Variants in RBFOX1 observed in about 807,000 individuals in gnomAD.
The protein encoded by RBFOX1 is RNA binding protein fox-1 homolog 1.
RBFOX1 carries 8 observed loss-of-function variants against 57.7 expected under a neutral mutation model. The ratio of observed to expected loss-of-function variants is 0.14; its 90% confidence interval spans 0.08 to 0.25. The LOEUF (loss-of-function observed/expected upper bound fraction) is 0.25, where lower values mean the gene tolerates loss of function less well. Among genes scored for constraint, RBFOX1 ranks in the 10% least tolerant of loss-of-function variants. The probability of loss-of-function intolerance (pLI) is 1.00; values close to 1 mark genes in which losing one functional copy is unlikely to be tolerated. For synonymous variants in RBFOX1, 326 were observed against 222.4 expected, an observed-to-expected ratio of 1.47 and a Z score of -4.15; for missense variants, 611 against 548.5, an observed-to-expected ratio of 1.11 and a Z score of -1.14.
At chr16:5,499,907 C>G (rs957923314) in intron 2 of RBFOX1, among the ~76,000 whole-genome samples, 1 of 152,190 alleles carries the variant, frequency 6.6e-6, no homozygotes, top group African/African-American at 2.4e-5. Context: ...AATCCACACT[C>G]CTGATGGCCA....
chr16:6,522,206 T>A (rs542742134), intron 2 of RBFOX1, among the ~76,000 whole-genome samples: 41 of 148,392 alleles, frequency 2.8e-4, no homozygotes, highest in South Asian at 2.1e-3. Context: ...TCTTAAAAAT[T>A]AGGATGAACA....
chr16:7,712,004 C>T lies in RBFOX1; in HGVS notation c.*1259C>T, dbSNP rs927426195. On this transcript the variant is annotated 3_prime_UTR_variant, in exon 16 of 16. Transcript: ENST00000550418. The stretch of plus-strand genomic sequence containing the variant: ...TCTCTTTAGTTCTGTCTCCAAGGCC[C>T]AGGACACTTGTCAGAAGGATGCAAA... The T allele has an allele frequency of 6.6e-6, 1 of 152,442 alleles. No homozygotes were observed. Among genetic ancestry groups the T allele is most frequent in the African/African-American group, 2.4e-5 (1 of 41,370 alleles). 9.4% of individuals were successfully genotyped at this position (152,442 alleles called of 1,614,324 possible). A position where few individuals can be genotyped will look rare whatever the true frequency, so the allele number is the denominator to read the frequency against.
intron 2 of RBFOX1, among the ~76,000 whole-genome samples, chr16:6,585,741 G>A (rs921630510): frequency 1.3e-5 from 2 of 151,972 alleles, no homozygotes; most frequent in Non-Finnish European, 2.9e-5. Context: ...GCAAAAACAG[G>A]TGTACCTTTG....
intron 3 of RBFOX1, among the ~76,000 whole-genome samples, chr16:6,757,548 A>G (rs11077082): frequency 0.57 from 86,482 of 151,992 alleles, 25,251 homozygotes; most frequent in South Asian, 0.75. Flanking sequence ...AGCTGAGCAC[A>G]GAAAGACAAA....
intron 4 of RBFOX1, among the ~76,000 whole-genome samples, chr16:7,181,956 G>A (rs910358361): frequency 6.6e-6 from 1 of 152,158 alleles, no homozygotes; most frequent in Non-Finnish European, 1.5e-5. Context: ...GGAAGGAAAA[G>A]GGTTAATTTC....
At chr16:7,184,520 C>G (rs943506733) in intron 4 of RBFOX1, among the ~76,000 whole-genome samples, 9 of 152,322 alleles carry the variant, frequency 5.9e-5, no homozygotes, top group African/African-American at 1.7e-4. Flanking sequence ...GTCTCATGGT[C>G]AAAAGTTAGC....
intron 3 of RBFOX1, among the ~76,000 whole-genome samples, chr16:5,864,034 C>T (rs117722503): frequency 0.02 from 2,992 of 152,224 alleles, 51 homozygotes; most frequent in Non-Finnish European, 0.03. Context: ...CATTATTTTT[C>T]GTGATCCTCC....
intron 4 of RBFOX1, among the ~76,000 whole-genome samples, chr16:5,981,738 G>C (rs2060177833): frequency 6.6e-6 from 1 of 152,230 alleles, no homozygotes; most frequent in African/African-American, 2.4e-5. Context: ...CAAATTACTG[G>C]GATTGTAGGT....
chr16:7,022,877 A>T (rs1284463347), intron 3 of RBFOX1, among the ~76,000 whole-genome samples: 3 of 152,208 alleles, frequency 2.0e-5, no homozygotes, highest in African/African-American at 7.2e-5. Context: ...ATGTTCACAC[A>T]GCTAGAATGC....
At position 7,156,170 on chromosome 16, in the gene RBFOX1, G is replaced by A. The variant is rs117691049; in HGVS notation, c.27+104072G>A. Among the ~76,000 whole-genome samples, 314 of 151,618 alleles carry A rather than the reference G, an allele frequency of 2.1e-3. 2 individuals are homozygous for A. Among genetic ancestry groups the A allele is most frequent in the Admixed American group, 9.0e-3 (137 of 15,226 alleles). ...ACAAGTGTGACCACTGTGCCTGGCCGATCCCTCAACTCTTGATTCCTTTCT... is the reference window on the plus strand; with the variant it reads ...ACAAGTGTGACCACTGTGCCTGGCCAATCCCTCAACTCTTGATTCCTTTCT... On this transcript the variant is annotated intron_variant, in intron 4 of 15. Transcript: ENST00000550418.
At chr16:6,437,580 C>G (rs1202763345) in intron 2 of RBFOX1, among the ~76,000 whole-genome samples, 1 of 152,126 alleles carries the variant, frequency 6.6e-6, no homozygotes, top group Non-Finnish European at 1.5e-5. Context: ...TAGTCCATTG[C>G]TACACTGCTA....
At chr16:7,071,073 C>G (rs1188639931) in intron 4 of RBFOX1, among the ~76,000 whole-genome samples, 3 of 152,172 alleles carry the variant, frequency 2.0e-5, no homozygotes, top group Non-Finnish European at 4.4e-5. Context: ...TATCTTTACT[C>G]AAAGCCTGAG....
intron 3 of RBFOX1, among the ~76,000 whole-genome samples, chr16:6,940,948 C>T (rs997910937): frequency 6.6e-6 from 1 of 151,682 alleles, no homozygotes; most frequent in Non-Finnish European, 1.5e-5. Context: ...ACCTCGTGAT[C>T]CATCCGTCTT....
intron 3 of RBFOX1, among the ~76,000 whole-genome samples, chr16:6,767,367 G>T (rs569619198): frequency 6.6e-6 from 1 of 152,172 alleles, no homozygotes; most frequent in East Asian, 1.9e-4. Flanking sequence ...CTGAGAATGT[G>T]GCCAACCTCC....
intron 2 of RBFOX1, among the ~76,000 whole-genome samples, chr16:6,396,228 T>C (rs1418805532): frequency 6.6e-6 from 1 of 151,990 alleles, no homozygotes; most frequent in Admixed American, 6.6e-5. Context: ...CAACCATAAG[T>C]AGGCAGAAAT....
At chr16:7,469,512 C>T (rs1458920272) in intron 4 of RBFOX1, among the ~76,000 whole-genome samples, 1 of 152,164 alleles carries the variant, frequency 6.6e-6, no homozygotes, top group East Asian at 1.9e-4. Flanking sequence ...TCTCAGCTTG[C>T]ATGTGGCATC....
intron 10 of RBFOX1, among the ~76,000 whole-genome samples, chr16:7,609,521 C>A (rs1281661168): frequency 1.3e-5 from 2 of 151,994 alleles, no homozygotes; most frequent in Non-Finnish European, 2.9e-5. Flanking sequence ...AGCCCAGGGC[C>A]CAGGTTCAGA....
chr16:5,833,251 T>G (rs2056342431), intron 3 of RBFOX1, among the ~76,000 whole-genome samples: 1 of 152,096 alleles, frequency 6.6e-6, no homozygotes, highest in Non-Finnish European at 1.5e-5. Context: ...CCCTGCACTT[T>G]GGGAGGCTGA....
intron 4 of RBFOX1, among the ~76,000 whole-genome samples, chr16:7,200,639 A>G (rs1461966941): frequency 6.6e-6 from 1 of 152,232 alleles, no homozygotes; most frequent in African/African-American, 2.4e-5. Context: ...TTAAAGGAAT[A>G]GAGTGCTTGG....
Sources: gnomAD v4.1 joint callset for allele counts (sites outside exome capture counted in the v4.1 genomes callset) on GRCh38, gnomAD v4.1.1 for gene constraint, MANE v1.5 for transcripts, NCBI Gene and HGNC (gene_info 2026-07-23, HGNC 2026-07-21) for gene names.